ANO4: variants seen among roughly 807,000 people sequenced by gnomAD.
ANO4 encodes anoctamin-4.
Under a neutral mutation model 141.9 loss-of-function variants are expected in ANO4, and 69 were observed. The observed-to-expected ratio is 0.49, with a 90% CI of 0.40 to 0.59. ANO4 has a LOEUF of 0.59. Among genes scored for constraint, ANO4 ranks in the 20% least tolerant of loss-of-function variants. The probability of loss-of-function intolerance (pLI) is 0.00; values close to 1 mark genes in which losing one functional copy is unlikely to be tolerated. For missense variants in ANO4, 894 were observed against 1,162.2 expected, an observed-to-expected ratio of 0.77 and a Z score of 3.36; for synonymous variants, 350 against 394.3, an observed-to-expected ratio of 0.89 and a Z score of 1.33.
In ANO4 at chr12:101,088,182, C is replaced by T. The variant is rs144629486; in HGVS notation, c.1701+1358C>T. Among the ~76,000 whole-genome samples the T allele has an allele frequency of 1.9e-3, 284 of 152,244 alleles. 1 individual carries two copies. The highest frequency in any genetic ancestry group is 6.5e-3 in the African/African-American group (269 of 41,566). Reference sequence around the variant, plus strand: ...CTCACTGTGATTCACCTGCTCCAGCCGCACTTGTCCTTTTGATGCTCTCAC... The same window carrying T: ...CTCACTGTGATTCACCTGCTCCAGCTGCACTTGTCCTTTTGATGCTCTCAC... On this transcript the variant is annotated intron_variant, in intron 17 of 27. Coordinates refer to ENST00000392977, the MANE Select transcript of ANO4 (RefSeq NM_001286615.2).
At chr12:100,958,041 A>G (rs967883866) in intron 5 of ANO4, among the ~76,000 whole-genome samples, 1 of 152,042 alleles carries the variant, frequency 6.6e-6, no homozygotes, top group African/African-American at 2.4e-5. Context: ...CATGTCCCTC[A>G]TTACTTAGCT....
intron 3 of ANO4, among the ~76,000 whole-genome samples, chr12:100,754,881 A>G (rs1304239282): frequency 1.3e-5 from 2 of 152,176 alleles, no homozygotes; most frequent in Non-Finnish European, 2.9e-5. Context: ...TAGAGACAGA[A>G]AGCAGATTTG....
chr12:101,009,074 T>C (rs2045979523), intron 8 of ANO4, among the ~76,000 whole-genome samples: 1 of 152,180 alleles, frequency 6.6e-6, no homozygotes, highest in Admixed American at 6.5e-5. Context: ...AATTGTGACC[T>C]TCTGAAATTC....
intron 1 of ANO4, among the ~76,000 whole-genome samples, chr12:100,897,762 T>C (rs117264871): frequency 1.3e-3 from 193 of 152,322 alleles, no homozygotes; most frequent in Non-Finnish European, 2.2e-3. Flanking sequence ...TAGTTCTTAC[T>C]AAGGTCTTTG....
At chr12:101,075,730 T>TAC (rs1491106914) in intron 14 of ANO4, among the ~76,000 whole-genome samples, 1 of 60,038 alleles carries the variant, frequency 1.7e-5, no homozygotes, top group Non-Finnish European at 4.8e-5. Context: ...TATATATCTT[T>TAC]ATATATATAT....
At chr12:100,829,010 ACT>A (rs1249545747) in intron 1 of ANO4, among the ~76,000 whole-genome samples, 2 of 146,746 alleles carry the variant, frequency 1.4e-5, no homozygotes, top group Non-Finnish European at 3.0e-5. Flanking sequence ...ACAGAGTGAG[ACT>A]CTGTCTTAAA....
intron 13 of ANO4, among the ~76,000 whole-genome samples, chr12:101,044,709 TAGG>T (rs2136640277): frequency 6.6e-6 from 1 of 152,290 alleles, no homozygotes; most frequent in East Asian, 1.9e-4. Context: ...CCGGTCTGTG[TAGG>T]AGGAGCCCAG....
chr12:100,739,332 A>T (rs2135465674), intron 2 of ANO4, among the ~76,000 whole-genome samples: 1 of 152,070 alleles, frequency 6.6e-6, no homozygotes, highest in South Asian at 2.1e-4. Context: ...GCAGTTTCTG[A>T]TCTACTTTAA....
At chr12:100,882,695 G>GT (rs1330214879) in intron 1 of ANO4, among the ~76,000 whole-genome samples, 2 of 151,488 alleles carry the variant, frequency 1.3e-5, no homozygotes, top group African/African-American at 2.4e-5. Context: ...TTTGTTTTTT[G>GT]TTTTTTTGTT....
chr12:100,917,006 AG>A (rs1287374213), intron 2 of ANO4, among the ~76,000 whole-genome samples: 1 of 152,004 alleles, frequency 6.6e-6, no homozygotes. Flanking sequence ...CCTAGCTGTA[AG>A]CTAGGTACAG....
intron 1 of ANO4, among the ~76,000 whole-genome samples, chr12:100,733,262 G>T (rs572900277): frequency 4.6e-5 from 7 of 152,242 alleles, no homozygotes; most frequent in East Asian, 1.9e-4. Context: ...GCTAACCCAC[G>T]AAGCTGCCTG....
chr12:101,126,885 G>A lies in ANO4; in HGVS notation c.2683G>A (p.Val895Met), dbSNP rs755621420. The part of the protein sequence containing the change: ...LAFIIVFEHL[V>M]FCIKHLISYL... The stretch of plus-strand genomic sequence containing the variant: ...ACATTCTCCTCTGTTTTAGCACCTC[G>A]TGTTTTGTATAAAGCACCTCATTTC... The change falls in exon 27 of 28, where the codon GTG becomes ATG. Residue 895 changes from valine to methionine, a missense_variant. Val to Met is a conservative substitution (Grantham distance 21). Around this residue, in one of 2 missense-constraint regions of ANO4, gnomAD observed 637 missense variants for 909.2 expected, o/e 0.70. Coordinates refer to ENST00000392977, the MANE Select transcript of ANO4 (RefSeq NM_001286615.2). 3.7e-6 allele frequency: 6 copies of A among 1,613,608 alleles called. No homozygotes were observed. Among genetic ancestry groups the A allele is most frequent in the Admixed American group, 1.7e-5 (1 of 59,980 alleles).
Position 101,042,414 on chromosome 12 carries a change from T to C in ANO4, c.1100T>C (p.Ile367Thr), listed in dbSNP as rs1593103817. ...YTGMLFPAAF[I>T]GLFVFLYGVT... ...GGCATGCTCTTCCCAGCTGCCTTCATTGGATTGTTTGTCTTTTTGTATGGC... is the reference window on the plus strand; with the variant it reads ...GGCATGCTCTTCCCAGCTGCCTTCACTGGATTGTTTGTCTTTTTGTATGGC... Residue 367 changes from isoleucine (I) to threonine (T), a missense_variant, in exon 12 of 28, where the codon ATT (isoleucine) becomes ACT (threonine). Around this residue, in one of 2 missense-constraint regions of ANO4, gnomAD observed 637 missense variants for 909.2 expected, o/e 0.70. Transcript: ENST00000392977. 1.2e-6 allele frequency: 2 copies of C among 1,614,168 alleles called. No homozygotes were observed. The highest frequency in any genetic ancestry group is 2.2e-5 in the East Asian group (1 of 44,884).
At chr12:100,973,331 T>C (rs890964812) in intron 6 of ANO4, among the ~76,000 whole-genome samples, 1 of 152,238 alleles carries the variant, frequency 6.6e-6, no homozygotes, top group Non-Finnish European at 1.5e-5. Flanking sequence ...ACAAACATCA[T>C]TTTAGCTGAA....
intron 13 of ANO4, among the ~76,000 whole-genome samples, chr12:101,046,072 G>C (rs1453977939): frequency 6.6e-6 from 1 of 152,262 alleles, no homozygotes; most frequent in Non-Finnish European, 1.5e-5. Flanking sequence ...CAGTCCTAGT[G>C]AGTTACAGAG....
chr12:100,993,938 C>G (rs1024857693), intron 8 of ANO4, among the ~76,000 whole-genome samples: 3 of 152,204 alleles, frequency 2.0e-5, no homozygotes, highest in African/African-American at 7.2e-5. Flanking sequence ...AAGCATTACG[C>G]TCTATTGTGA....
chr12:100,848,812 G>C (rs2037716965), intron 1 of ANO4, among the ~76,000 whole-genome samples: 1 of 152,126 alleles, frequency 6.6e-6, no homozygotes, highest in Non-Finnish European at 1.5e-5. Context: ...GTTGTCTTTT[G>C]GACTTCTCTC....
At chr12:101,002,064 G>A (rs1057102511) in intron 8 of ANO4, among the ~76,000 whole-genome samples, 1 of 151,850 alleles carries the variant, frequency 6.6e-6, no homozygotes, top group African/African-American at 2.4e-5. Context: ...AAATCCTTTC[G>A]GCCCTTCTCC....
intron 3 of ANO4, among the ~76,000 whole-genome samples, chr12:100,756,809 G>A (rs1231335513): frequency 1.3e-5 from 2 of 152,066 alleles, no homozygotes; most frequent in Admixed American, 1.3e-4. Context: ...TTAAATGTCA[G>A]TGCGTCTCAA....
Sources: gnomAD v4.1 joint callset for allele counts (sites outside exome capture counted in the v4.1 genomes callset) on GRCh38, gnomAD v4.1.1 for gene constraint, gnomAD v4.1.1 regional missense constraint, MANE v1.5 for transcripts, NCBI Gene and HGNC (gene_info 2026-07-23, HGNC 2026-07-21) for gene names.